TRIP12: variants seen among roughly 807,000 people sequenced by gnomAD.
The protein encoded by TRIP12 is E3 ubiquitin-protein ligase TRIP12.
A neutral mutation model predicts 244.2 loss-of-function variants in TRIP12; 25 were observed. That is an observed-to-expected ratio of 0.10 (90% CI 0.07 to 0.14). TRIP12 has a LOEUF of 0.14. Among genes scored for constraint, TRIP12 ranks in the 10% least tolerant of loss-of-function variants. TRIP12 has a pLI of 1.00. For missense variants in TRIP12, 1,677 were observed against 2,486.4 expected (o/e 0.67, Z 6.92); for synonymous variants, 905 against 873.1 (o/e 1.04, Z -0.64).
intron 4 of TRIP12, among the ~76,000 whole-genome samples, chr2:229,855,620 A>AG (rs1445199684): frequency 1.5e-5 from 2 of 130,340 alleles, no homozygotes; most frequent in African/African-American, 5.2e-5. Context: ...AAAAAAAAAA[A>AG]AAAAGAGAAA....
At chr2:229,772,869 T>C (rs1364015185) in intron 38 of TRIP12, among the ~76,000 whole-genome samples, 2 of 152,076 alleles carry the variant, frequency 1.3e-5, no homozygotes, top group Admixed American at 1.3e-4. Flanking sequence ...AGCAAGTTAG[T>C]GGAAAGGTCA....
At chr2:229,819,937 A>G (rs866310602) in intron 8 of TRIP12, among the ~76,000 whole-genome samples, 1 of 152,234 alleles carries the variant, frequency 6.6e-6, no homozygotes, top group African/African-American at 2.4e-5. Context: ...TTCCATAGCT[A>G]TCGCTGCCTA....
chr2:229,890,657 A>G (rs2067127293), intron 1 of TRIP12, among the ~76,000 whole-genome samples: 1 of 152,172 alleles, frequency 6.6e-6, no homozygotes, highest in Non-Finnish European at 1.5e-5. Flanking sequence ...TAACTTTAAC[A>G]CCTGGTGAAT....
rs1223222843 is a variant in TRIP12, at chr2:229,765,503, A to G, written c.*2051T>C. On this transcript the variant is annotated 3_prime_UTR_variant, in exon 42 of 42. Transcript: ENST00000675903. The stretch of plus-strand genomic sequence containing the variant: ...CTGACTTTGAAACACTCAAGACTTT[A>G]GAGTTTGAGTCAAAATCATCATATA... 1.3e-5 allele frequency: 2 copies of G among 152,240 alleles called. No individual in the cohort carries two copies. Among genetic ancestry groups the G allele is most frequent in the South Asian group, 2.1e-4 (1 of 4,834 alleles). The allele number at this position is 152,240 out of a possible 1,614,324, so 9.4% of individuals were successfully genotyped here.
chr2:229,831,176 A>G (rs926577188), intron 6 of TRIP12: 19 of 699,978 alleles, frequency 2.7e-5, no homozygotes, highest in Non-Finnish European at 4.7e-5. Flanking sequence ...ATACTGCTGT[A>G]ACAATTGTGA....
rs1272552385 is a variant in TRIP12, at chr2:229,768,736, T to C, written c.5904-17A>G. On this transcript the variant is annotated splice_polypyrimidine_tract_variant and intron_variant, in intron 40 of 41. Transcript: ENST00000675903. ...ACAGCCCGACTATAACAGAAATAAA[T>C]ATACCAAAATTATTTCATCAGGTTA... 2 of 1,587,216 alleles carry C rather than the reference T, an allele frequency of 1.3e-6. No individual in the cohort carries two copies. Among genetic ancestry groups the C allele is most frequent in the Non-Finnish European group, 1.7e-6 (2 of 1,171,616 alleles).
chr2:229,828,459 AG>A (rs2052365865), intron 8 of TRIP12, among the ~76,000 whole-genome samples: 2 of 152,232 alleles, frequency 1.3e-5, no homozygotes, highest in Admixed American at 6.5e-5. Flanking sequence ...TGTAATGTAT[AG>A]ATCATATTTT....
Position 229,880,018 on chromosome 2 carries a change from G to A in TRIP12, c.62C>T (p.Ala21Val). 1.9e-6 allele frequency: 3 copies of A among 1,614,050 alleles called. No homozygotes were observed. Among genetic ancestry groups the A allele is most frequent in the Non-Finnish European group, 2.5e-6 (3 of 1,180,016 alleles). ...TGAGTCGTCTTGTGGTTGGGCCCCG[G>A]CAGTGTTCCTCTGTGAACGTCGCAG... ...GSLRRSQRNT[A>V]GAQPQDDSIG... is the part of the protein sequence containing the mutation. Residue 21 changes from alanine (A) to valine (V), a missense_variant, in exon 2 of 42, where the codon GCC becomes GTC. Ala to Val is a moderately conservative substitution (Grantham distance 64). This residue lies in a region of TRIP12 where 387 missense variants were observed against 392.6 expected (regional missense o/e 0.99). Coordinates refer to ENST00000675903, the MANE Select transcript of TRIP12 (RefSeq NM_001348323.3).
intron 26 of TRIP12, 175 bp from the exon 27 acceptor site, chr2:229,793,320 T>C (rs1017635258): frequency 1.8e-6 from 1 of 559,966 alleles, no homozygotes. Flanking sequence ...TTAGAAAAAA[T>C]TTTTATACGT....
chr2:229,865,196 T>C (rs1576311097), intron 2 of TRIP12, among the ~76,000 whole-genome samples: 1 of 151,622 alleles, frequency 6.6e-6, no homozygotes, highest in Non-Finnish European at 1.5e-5. Context: ...CCTGTATTCC[T>C]AGCTACTCGG....
In TRIP12 at chr2:229,767,574, G is replaced by C. The variant is rs1387893497; in HGVS notation, c.6184C>G (p.Gln2062Glu). The change falls in exon 42 of 42, where the codon CAG becomes GAG. Residue 2062 changes from glutamine (Q) to glutamate (E), a missense_variant. Coordinates refer to ENST00000675903, the MANE Select transcript of TRIP12 (RefSeq NM_001348323.3). ...KLLIAAREGQ[Q>E]SFHLS is the part of the protein sequence containing the mutation. ...TATGATCAGGAAAGATGGAACGACTGCTGCCCTTCTCTTGCTGCTATCAAC... is the reference window on the plus strand; with the variant it reads ...TATGATCAGGAAAGATGGAACGACTCCTGCCCTTCTCTTGCTGCTATCAAC... 6.2e-7 allele frequency: 1 copy of C among 1,611,878 alleles called. No individual in the cohort carries two copies. Among genetic ancestry groups the C allele is most frequent in the Non-Finnish European group, 8.5e-7 (1 of 1,179,102 alleles).
intron 2 of TRIP12, among the ~76,000 whole-genome samples, chr2:229,862,802 G>A (rs1168933793): frequency 6.6e-6 from 1 of 152,152 alleles, no homozygotes; most frequent in Non-Finnish European, 1.5e-5. Flanking sequence ...CTACTCCTGT[G>A]TTATTTCTCA....
At position 229,836,977 on chromosome 2, in the gene TRIP12, C is replaced by T. The variant is rs537555642; in HGVS notation, c.1141G>A (p.Gly381Ser). ...GCTCCTCTTTTGCCCAGGCCAGAGCCTCGCCGACTACAACAGAAAAATGTC... is the reference window on the plus strand; with the variant it reads ...GCTCCTCTTTTGCCCAGGCCAGAGCTTCGCCGACTACAACAGAAAAATGTC... ...TGSCASTSRR[G>S]SGLGKRGAAE... Residue 381 changes from glycine (G) to serine (S), a missense_variant, in exon 6 of 42, where the codon GGC becomes AGC. Gly to Ser is a moderately conservative substitution (Grantham distance 56, BLOSUM62 0). Transcript: ENST00000675903. 98 of 1,553,910 alleles carry T rather than the reference C, an allele frequency of 6.3e-5. 1 individual carries two copies. In the South Asian group the frequency reaches 1.1e-3, roughly 18 times the overall value.
intron 1 of TRIP12, among the ~76,000 whole-genome samples, chr2:229,896,334 C>T (rs1209243910): frequency 6.6e-6 from 1 of 152,106 alleles, no homozygotes; most frequent in East Asian, 1.9e-4. Context: ...AGAATCATCT[C>T]TCTATTAAAA....
intron 1 of TRIP12, among the ~76,000 whole-genome samples, chr2:229,882,978 C>T (rs1348462146): frequency 1.3e-5 from 2 of 152,216 alleles, no homozygotes; most frequent in African/African-American, 4.8e-5. Context: ...ATAAATTCAT[C>T]TTTTTAAAAA....
chr2:229,838,439 A>G (rs2055408032), intron 5 of TRIP12, among the ~76,000 whole-genome samples: 1 of 152,186 alleles, frequency 6.6e-6, no homozygotes, highest in Admixed American at 6.5e-5. Flanking sequence ...TTCAGAAAAG[A>G]TTTGCCATGA....
intron 1 of TRIP12, among the ~76,000 whole-genome samples, chr2:229,894,132 G>A (rs1018279209): frequency 2.0e-5 from 3 of 152,068 alleles, no homozygotes; most frequent in African/African-American, 7.2e-5. Context: ...TCCAGCCTGG[G>A]TGACAGAGTG....
chr2:229,859,092 G>A lies in TRIP12; in HGVS notation c.707C>T (p.Thr236Ile). Residue 236 changes from threonine (T) to isoleucine (I), a missense_variant, in exon 4 of 42, where the codon ACT becomes ATT. This residue lies in a region of TRIP12 where 387 missense variants were observed against 392.6 expected (regional missense o/e 0.99). Transcript: ENST00000675903. The part of the protein sequence containing the change: ...TSAKAGCSTI[T>I]DSSSAASTSS... ...AGTAGAGGCAGCAGAAGAAGAATCA[G>A]TGATGGTGCTACACCCAGCTTTGGC... 1 of 1,614,244 alleles carries A rather than the reference G, an allele frequency of 6.2e-7. No homozygotes were observed. Among genetic ancestry groups the A allele is most frequent in the Non-Finnish European group, 8.5e-7 (1 of 1,180,044 alleles).
intron 34 of TRIP12, among the ~76,000 whole-genome samples, chr2:229,783,718 G>A (rs573773090): frequency 5.3e-5 from 8 of 149,972 alleles, no homozygotes; most frequent in South Asian, 2.1e-4. Context: ...AAAGAAATCC[G>A]AATCAAAATC....
Sources: allele counts gnomAD v4.1 joint callset (sites outside exome capture counted in the v4.1 genomes callset), GRCh38; gene constraint gnomAD v4.1.1; regional missense constraint gnomAD v4.1.1; transcripts MANE v1.5; gene names NCBI Gene and HGNC (gene_info 2026-07-23, HGNC 2026-07-21).